HSD17B3: variants seen among roughly 807,000 people sequenced by gnomAD.
The protein encoded by HSD17B3 is hydroxysteroid 17-beta dehydrogenase 3, also known as 17-beta-hydroxysteroid dehydrogenase type 3.
A neutral mutation model predicts 41.1 loss-of-function variants in HSD17B3; 29 were observed. The observed-to-expected ratio is 0.71, with a 90% CI of 0.53 to 0.96. The LOEUF (loss-of-function observed/expected upper bound fraction) is 0.96. HSD17B3 is among the 40% of genes least tolerant of loss of function. The pLI, the probability that HSD17B3 is intolerant of heterozygous loss-of-function variation, is 0.00. For missense variants in HSD17B3, 323 were observed against 374.6 expected (o/e 0.86, Z 1.14); for synonymous variants, 126 against 145.6 (o/e 0.87, Z 0.97).
intron 10 of HSD17B3, among the ~76,000 whole-genome samples, chr9:96,240,368 C>T (rs1836389671): frequency 6.6e-6 from 1 of 152,224 alleles, no homozygotes; most frequent in African/African-American, 2.4e-5. Context: ...AAATGCTACA[C>T]ATCAAAGTGG....
At chr9:96,261,000 T>TC (rs781199663) in intron 2 of HSD17B3, among the ~76,000 whole-genome samples, 3 of 152,096 alleles carry the variant, frequency 2.0e-5, no homozygotes, top group African/African-American at 4.8e-5. Flanking sequence ...TATTTTTTAT[T>TC]CCCCCTCTCC....
chr9:96,247,948 G>A (rs1836738674), intron 6 of HSD17B3, among the ~76,000 whole-genome samples: 1 of 152,128 alleles, frequency 6.6e-6, no homozygotes, highest in Non-Finnish European at 1.5e-5. Context: ...TGGTTCACTG[G>A]GGCGTGGTAT....
chr9:96,254,826 G>A, intron 3 of HSD17B3, 42 bp downstream of exon 3: 2 of 1,544,564 alleles, frequency 1.3e-6, no homozygotes, highest in Non-Finnish European at 1.8e-6. Flanking sequence ...GGCTTGGTTG[G>A]AGGGCTCCAC....
intron 2 of HSD17B3, among the ~76,000 whole-genome samples, chr9:96,257,922 C>G (rs1309744616): frequency 6.6e-6 from 1 of 152,170 alleles, no homozygotes; most frequent in African/African-American, 2.4e-5. Flanking sequence ...CCTCGGCCTC[C>G]CAAAGTGCCA....
intron 10 of HSD17B3, among the ~76,000 whole-genome samples, chr9:96,238,587 G>A (rs1272954735): frequency 6.6e-6 from 1 of 152,162 alleles, no homozygotes; most frequent in Non-Finnish European, 1.5e-5. Flanking sequence ...GCTGGAACCT[G>A]GGAGGTGGAG....
intron 2 of HSD17B3, among the ~76,000 whole-genome samples, chr9:96,280,016 G>A (rs953330583): frequency 1.5e-4 from 23 of 152,240 alleles, no homozygotes; most frequent in African/African-American, 4.8e-4. Context: ...TGATCTGCCC[G>A]CCTGGGCCTC....
At chr9:96,268,703 C>G (rs1417486182) in intron 2 of HSD17B3, among the ~76,000 whole-genome samples, 1 of 152,170 alleles carries the variant, frequency 6.6e-6, no homozygotes, top group Non-Finnish European at 1.5e-5. Flanking sequence ...AATACCAGCA[C>G]TTTGGGAAGC....
chr9:96,247,570 C>A (rs1836719884), intron 6 of HSD17B3, among the ~76,000 whole-genome samples: 1 of 152,216 alleles, frequency 6.6e-6, no homozygotes, highest in Admixed American at 6.5e-5. Context: ...TCTAGAACCA[C>A]TGGGCTGCCT....
chr9:96,291,811 G>A (rs1373901163), intron 2 of HSD17B3, among the ~76,000 whole-genome samples: 1 of 152,066 alleles, frequency 6.6e-6, no homozygotes, highest in Non-Finnish European at 1.5e-5. Context: ...ACAAAAATTA[G>A]CTGGGCGTGG....
rs895859706 is a variant in HSD17B3, at chr9:96,237,541, C to T, written c.823-1971G>A. ...GTAGGTAGGGGCTCCATTCCTGCCT[C>T]GGTCCCAGCCCCATGCTCCCTGTGG... On this transcript the variant is annotated intron_variant, in intron 10 of 10. Coordinates refer to ENST00000375263, the MANE Select transcript of HSD17B3 (RefSeq NM_000197.2). Among the ~76,000 whole-genome samples the T allele has an allele frequency of 3.3e-5, 5 of 152,228 alleles. No individual in the cohort carries two copies. The East Asian group carries it at 7.7e-4, about 23-fold the overall frequency.
intron 10 of HSD17B3, among the ~76,000 whole-genome samples, chr9:96,240,410 G>A (rs960890501): frequency 1.3e-5 from 2 of 152,148 alleles, no homozygotes; most frequent in African/African-American, 4.8e-5. Flanking sequence ...TGCCTGGAGG[G>A]CTGATAGCTA....
intron 2 of HSD17B3, chr9:96,256,145 A>C (rs1825647284): frequency 6.6e-6 from 1 of 152,358 alleles, no homozygotes; most frequent in Admixed American, 6.5e-5. Flanking sequence ...CTGTGGTTTC[A>C]GTCAAATGAT....
chr9:96,259,278 C>T (rs1825774993), intron 2 of HSD17B3, among the ~76,000 whole-genome samples: 1 of 152,138 alleles, frequency 6.6e-6, no homozygotes, highest in Non-Finnish European at 1.5e-5. Context: ...CCACCAGGAT[C>T]TTATGTTTAT....
At chr9:96,281,719 A>G (rs1826698888) in intron 2 of HSD17B3, among the ~76,000 whole-genome samples, 1 of 152,136 alleles carries the variant, frequency 6.6e-6, no homozygotes, top group South Asian at 2.1e-4. Flanking sequence ...TTTCCTCCCT[A>G]AAAGGGGGAA....
intron 6 of HSD17B3, 77 bp downstream of exon 6, chr9:96,249,674 T>C: frequency 7.7e-7 from 1 of 1,292,552 alleles, no homozygotes; most frequent in South Asian, 1.2e-5. Flanking sequence ...CTACAGTGGA[T>C]GGGCACAATT....
chr9:96,266,726 A>G (rs1257940788), intron 2 of HSD17B3, among the ~76,000 whole-genome samples: 1 of 152,072 alleles, frequency 6.6e-6, no homozygotes, highest in Non-Finnish European at 1.5e-5. Flanking sequence ...GAGAAGCTAG[A>G]CTCAGGAGGC....
chr9:96,297,209 T>C (rs1827397853), intron 2 of HSD17B3, among the ~76,000 whole-genome samples: 1 of 152,142 alleles, frequency 6.6e-6, no homozygotes, highest in Non-Finnish European at 1.5e-5. Context: ...ATATCTCATA[T>C]TTCTCAATGG....
At chr9:96,272,825 A>G (rs539010601) in intron 2 of HSD17B3, among the ~76,000 whole-genome samples, 7 of 152,294 alleles carry the variant, frequency 4.6e-5, no homozygotes, top group East Asian at 1.9e-4. Flanking sequence ...GTCCTTCAGT[A>G]GATTAATGGT....
chr9:96,278,174 AAGGACATAGTTAACAT>A (rs1299412333), intron 2 of HSD17B3, among the ~76,000 whole-genome samples: 1 of 152,222 alleles, frequency 6.6e-6, no homozygotes, highest in African/African-American at 2.4e-5. Context: ...CATAGTTAAC[AAGGACATAGTTAACAT>A]AGAACATAAT....
Sources: gnomAD v4.1 joint callset for allele counts (sites outside exome capture counted in the v4.1 genomes callset) on GRCh38, gnomAD v4.1.1 for gene constraint, MANE v1.5 for transcripts, NCBI Gene and HGNC (gene_info 2026-07-23, HGNC 2026-07-21) for gene names.